The following GPRASP3 variants were observed in gnomAD, a reference collection of about 807,000 sequenced individuals.
GPRASP3 encodes G protein-coupled receptor associated sorting protein family member 3.
chrX:102,723,665 AGGAGTATCTT>A, the GPRASP3 span, among the ~76,000 whole-genome samples: 1 of 111,478 alleles, frequency 9.0e-6, no homozygotes, highest in East Asian at 2.8e-4. Flanking sequence ...CCTGTGTGAC[AGGAGTATCTT>A]TGTTATGCTA....
the GPRASP3 span, among the ~76,000 whole-genome samples, chrX:102,745,469 T>C: frequency 5.4e-5 from 6 of 110,906 alleles, no homozygotes; most frequent in Non-Finnish European, 5.7e-5. Context: ...CGTGGCTCCA[T>C]GAAGCTGGGA....
the GPRASP3 span, among the ~76,000 whole-genome samples, chrX:102,729,761 TCAGGAGGCTGAGG>T: frequency 9.0e-6 from 1 of 111,661 alleles, no homozygotes; most frequent in African/African-American, 3.3e-5. Context: ...TCCCAGCTAC[TCAGGAGGCTGAGG>T]CAGGAGAATC....
chrX:102,753,212 A>G, the GPRASP3 span: 1 of 123,393 alleles, frequency 8.1e-6, no homozygotes, highest in Admixed American at 9.5e-5. Flanking sequence ...TTGTGTATAA[A>G]TGGACTCATA....
the GPRASP3 span, chrX:102,750,013 A>G: frequency 8.3e-7 from 1 of 1,199,709 alleles, no homozygotes; most frequent in Non-Finnish European, 1.1e-6. Context: ...TGATCCTCTT[A>G]TTCATAAAAT....
chrX:102,743,079 A>C, the GPRASP3 span, among the ~76,000 whole-genome samples: 1 of 111,861 alleles, frequency 8.9e-6, no homozygotes, highest in African/African-American at 3.2e-5. Flanking sequence ...GGAGGCAATC[A>C]CATATGCATT....
the GPRASP3 span, chrX:102,749,699 C>A: frequency 8.3e-7 from 1 of 1,210,934 alleles, no homozygotes; most frequent in East Asian, 3.0e-5. Context: ...GGATTTAGAT[C>A]CCAGGCACCA....
At chrX:102,740,929 A>G in the GPRASP3 span, among the ~76,000 whole-genome samples, 12,559 of 111,212 alleles carry the variant, frequency 0.11, 657 homozygotes, top group East Asian at 0.21. Flanking sequence ...CACGGGGGTC[A>G]GATGCCTCCA....
chrX:102,734,621 AAATAAT>A, the GPRASP3 span, among the ~76,000 whole-genome samples: 1 of 111,109 alleles, frequency 9.0e-6, no homozygotes, highest in Non-Finnish European at 1.9e-5. Flanking sequence ...TGTCTCAAAA[AAATAAT>A]AATAATAATA....
At chrX:102,747,243 G>A in the GPRASP3 span, among the ~76,000 whole-genome samples, 26 of 112,104 alleles carry the variant, frequency 2.3e-4, no homozygotes, top group African/African-American at 8.1e-4. Context: ...TCAAAAAGGA[G>A]GTGTTAGAAT....
the GPRASP3 span, among the ~76,000 whole-genome samples, chrX:102,739,968 T>C: frequency 6.2e-5 from 7 of 112,054 alleles, no homozygotes; most frequent in South Asian, 2.6e-3. Flanking sequence ...GAAGCAGACT[T>C]TCACCCAAGG....
At chrX:102,734,926 G>C in the GPRASP3 span, among the ~76,000 whole-genome samples, 2 of 111,499 alleles carry the variant, frequency 1.8e-5, no homozygotes, top group African/African-American at 6.5e-5. Flanking sequence ...GACTTTAGAG[G>C]ACCTAATATC....
chrX:102,749,132 C>T, the GPRASP3 span: 1 of 1,212,077 alleles, frequency 8.3e-7, no homozygotes, highest in South Asian at 1.8e-5. Context: ...AAAGCAAAAG[C>T]CAAGACAGGG....
the GPRASP3 span, among the ~76,000 whole-genome samples, chrX:102,742,996 G>A: frequency 9.0e-6 from 1 of 111,352 alleles, no homozygotes; most frequent in African/African-American, 3.3e-5. Context: ...AAGAGGGGAA[G>A]GGGCTTCCAG....
chrX:102,736,428 C>T, the GPRASP3 span, among the ~76,000 whole-genome samples: 1 of 111,733 alleles, frequency 8.9e-6, no homozygotes, highest in African/African-American at 3.3e-5. Flanking sequence ...TCATTTGCCA[C>T]TTTTTGTTTC....
chrX:102,731,786 G>A, the GPRASP3 span, among the ~76,000 whole-genome samples: 1 of 111,452 alleles, frequency 9.0e-6, no homozygotes, highest in Non-Finnish European at 1.9e-5. Context: ...AGTGTGGGCT[G>A]CCCGCATGCA....
chrX:102,726,686 A>G, the GPRASP3 span, among the ~76,000 whole-genome samples: 1 of 112,442 alleles, frequency 8.9e-6, no homozygotes, highest in East Asian at 2.8e-4. Context: ...GACACTGTAA[A>G]TGTGTCTTTC....
At chrX:102,752,889 C>T in the GPRASP3 span, 1 of 122,693 alleles carries the variant, frequency 8.2e-6, no homozygotes, top group Non-Finnish European at 1.9e-5. Flanking sequence ...CGTGCCTTAG[C>T]CTCCTGAGCA....
chrX:102,740,613 A>T, the GPRASP3 span, among the ~76,000 whole-genome samples: 1 of 111,808 alleles, frequency 8.9e-6, no homozygotes, highest in Non-Finnish European at 1.9e-5. Context: ...GGCACCAGGG[A>T]CCAATCTTGG....
chrX:102,750,027 AC>A, the GPRASP3 span: 1 of 1,200,338 alleles, frequency 8.3e-7, no homozygotes, highest in Non-Finnish European at 1.1e-6. Flanking sequence ...ATAAAATAGC[AC>A]GGATTGCAAT....
Sources: allele counts gnomAD v4.1 joint callset (sites outside exome capture counted in the v4.1 genomes callset), GRCh38; gene constraint gnomAD v4.1.1; transcripts MANE v1.5; gene names NCBI Gene and HGNC (gene_info 2026-07-23, HGNC 2026-07-21).